MAGI3: variants seen among roughly 807,000 people sequenced by gnomAD.
The protein encoded by MAGI3 is membrane associated guanylate kinase, WW and PDZ domain containing 3.
MAGI3 carries 43 observed loss-of-function variants against 121.8 expected under a neutral mutation model. That is an observed-to-expected ratio of 0.35 (90% CI 0.28 to 0.46). MAGI3 has a LOEUF of 0.46. MAGI3 is among the 20% of genes least tolerant of loss of function. The pLI, the probability that MAGI3 is intolerant of heterozygous loss-of-function variation, is 1.00. For synonymous variants in MAGI3, 553 were observed against 639.3 expected (o/e 0.86, Z 2.04); for missense variants, 1,547 against 1,797.3 (o/e 0.86, Z 2.52).
intron 6 of MAGI3, among the ~76,000 whole-genome samples, chr1:113,605,250 A>G (rs2101760112): frequency 6.6e-6 from 1 of 152,284 alleles, no homozygotes; most frequent in Middle Eastern, 3.4e-3. Flanking sequence ...CCAGATATCT[A>G]TCAAGAAGAG....
intron 1 of MAGI3, among the ~76,000 whole-genome samples, chr1:113,482,033 T>G (rs1267421027): frequency 1.3e-5 from 2 of 151,990 alleles, no homozygotes; most frequent in African/African-American, 4.8e-5. Flanking sequence ...GAAACAAACT[T>G]AAACTATGTA....
At chr1:113,449,269 A>G (rs549758903) in intron 1 of MAGI3, among the ~76,000 whole-genome samples, 180 of 152,276 alleles carry the variant, frequency 1.2e-3, no homozygotes, top group African/African-American at 4.2e-3. Flanking sequence ...TCACAGTGGA[A>G]TAGCAGATAA....
chr1:113,440,587 A>G (rs1279296126), intron 1 of MAGI3, among the ~76,000 whole-genome samples: 1 of 152,154 alleles, frequency 6.6e-6, no homozygotes, highest in African/African-American at 2.4e-5. Flanking sequence ...CAGTCTTGCC[A>G]TTATCTAAGC....
intron 1 of MAGI3, among the ~76,000 whole-genome samples, chr1:113,440,841 A>G (rs1343031942): frequency 6.6e-6 from 1 of 152,228 alleles, no homozygotes; most frequent in African/African-American, 2.4e-5. Flanking sequence ...GTTTTAATCC[A>G]TATCACATAA....
chr1:113,433,168 A>G (rs1307140871), intron 1 of MAGI3, among the ~76,000 whole-genome samples: 1 of 152,096 alleles, frequency 6.6e-6, no homozygotes, highest in African/African-American at 2.4e-5. Flanking sequence ...TATTTTCTTC[A>G]GTGAAGAACC....
chr1:113,449,573 T>C, intron 1 of MAGI3: 1 of 624,776 alleles, frequency 1.6e-6, no homozygotes, highest in Admixed American at 2.7e-5. Context: ...TCTGGATAAA[T>C]TATCTGCAAG....
At chr1:113,496,953 C>G (rs905045091) in intron 1 of MAGI3, among the ~76,000 whole-genome samples, 1 of 152,110 alleles carries the variant, frequency 6.6e-6, no homozygotes, top group African/African-American at 2.4e-5. Context: ...CTAGGTAAAG[C>G]AATGTAATTA....
intron 1 of MAGI3, among the ~76,000 whole-genome samples, chr1:113,459,736 A>G (rs1654939281): frequency 6.6e-6 from 1 of 152,160 alleles, no homozygotes; most frequent in Non-Finnish European, 1.5e-5. Flanking sequence ...ACCCTCAAAA[A>G]TACAAAGATA....
intron 6 of MAGI3, among the ~76,000 whole-genome samples, chr1:113,602,590 A>G (rs1441960728): frequency 6.6e-6 from 1 of 152,198 alleles, no homozygotes; most frequent in Non-Finnish European, 1.5e-5. Context: ...TTAGTGGAAT[A>G]AAAGAAATAA....
chr1:113,450,443 A>G (rs1270570203), intron 1 of MAGI3: 4 of 1,123,044 alleles, frequency 3.6e-6, no homozygotes, highest in Non-Finnish European at 5.4e-6. Context: ...TCCTGGTTAT[A>G]GTAGTAGAGG....
chr1:113,587,055 A>C (rs1007360580), intron 4 of MAGI3, among the ~76,000 whole-genome samples: 3 of 152,228 alleles, frequency 2.0e-5, no homozygotes, highest in African/African-American at 7.2e-5. Flanking sequence ...GAAAATATAC[A>C]GGACATTTAA....
chr1:113,618,185 T>A (rs74639273), intron 7 of MAGI3, among the ~76,000 whole-genome samples: 1 of 151,002 alleles, frequency 6.6e-6, no homozygotes, highest in African/African-American at 2.4e-5. Context: ...AAATTTTTTT[T>A]AATTAGCTGG....
intron 14 of MAGI3, among the ~76,000 whole-genome samples, chr1:113,653,100 C>G (rs1318314569): frequency 6.6e-6 from 1 of 152,170 alleles, no homozygotes; most frequent in African/African-American, 2.4e-5. Flanking sequence ...AGGTAGCAAA[C>G]TGTTATAATG....
chr1:113,627,609 T>C (rs1234648883), intron 9 of MAGI3, among the ~76,000 whole-genome samples: 2 of 148,160 alleles, frequency 1.3e-5, no homozygotes, highest in Non-Finnish European at 3.0e-5. Flanking sequence ...TAATTATATA[T>C]ATAAAATATA....
intron 1 of MAGI3, among the ~76,000 whole-genome samples, chr1:113,517,664 A>G (rs1359492812): frequency 2.0e-5 from 3 of 151,926 alleles, no homozygotes; most frequent in Non-Finnish European, 2.9e-5. Context: ...CTGTAGCTTC[A>G]CATATCATCC....
rs778093003 is a variant in MAGI3 at position 113,683,422 on chromosome 1, G to A, written c.3854G>A (p.Arg1285Gln). 35 of 1,613,826 alleles carry A rather than the reference G, an allele frequency of 2.2e-5. No homozygotes were observed. The highest frequency in any genetic ancestry group is 6.7e-5 in the East Asian group (3 of 44,896). ...GQDQCRKSRGRSASPKKQQKI... is the reference protein window; with the variant it reads ...GQDQCRKSRGQSASPKKQQKI... ...GATCAGTGCAGAAAAAGCAGAGGTC[G>A]GTCGGCCAGCCCAAAAAAGCAGCAA... is the stretch of plus-strand genomic sequence containing the variant. The change falls in exon 21 of 21, where the codon CGG becomes CAG. Residue 1285 changes from arginine to glutamine, a missense_variant. Arg to Gln is a conservative substitution (Grantham distance 43, BLOSUM62 1). Coordinates refer to ENST00000307546, the MANE Select transcript of MAGI3 (RefSeq NM_001142782.2).
chr1:113,531,612 G>A (rs1412253556), intron 1 of MAGI3, among the ~76,000 whole-genome samples: 7 of 151,086 alleles, frequency 4.6e-5, no homozygotes, highest in South Asian at 2.1e-4. Context: ...TTTAAAGGTC[G>A]TGCATTTCTT....
chr1:113,591,896 A>T (rs2101737145), intron 5 of MAGI3, among the ~76,000 whole-genome samples: 2 of 152,294 alleles, frequency 1.3e-5, no homozygotes, highest in South Asian at 4.1e-4. Flanking sequence ...AAGAGGGAGA[A>T]TTTATAAAAA....
chr1:113,606,855 A>G (rs966378194), intron 6 of MAGI3, among the ~76,000 whole-genome samples: 3 of 152,032 alleles, frequency 2.0e-5, no homozygotes, highest in African/African-American at 4.8e-5. Context: ...CTTTTTGCCA[A>G]TATATTATTA....
Sources: allele counts gnomAD v4.1 joint callset (sites outside exome capture counted in the v4.1 genomes callset), GRCh38; gene constraint gnomAD v4.1.1; transcripts MANE v1.5; gene names NCBI Gene and HGNC (gene_info 2026-07-23, HGNC 2026-07-21).